The following CYP4F3 variants were observed in gnomAD, a reference collection of about 807,000 sequenced individuals.
CYP4F3 encodes the protein cytochrome P450 4F3.
CYP4F3 carries 50 observed loss-of-function variants against 54.8 expected under a neutral mutation model. That is an observed-to-expected ratio of 0.91 (90% CI 0.73 to 1.16). CYP4F3 has a LOEUF of 1.16. CYP4F3 is among the 50% of genes most tolerant of loss of function. CYP4F3 has a pLI of 0.00. For synonymous variants in CYP4F3, 244 were observed against 262.6 expected (o/e 0.93, Z 0.69); for missense variants, 715 against 676.2 (o/e 1.06, Z -0.64).
At chr19:15,644,097 G>C (rs1972555794) in intron 2 of CYP4F3, 1 of 1,481,064 alleles carries the variant, frequency 6.8e-7, no homozygotes, top group Non-Finnish European at 9.0e-7. Flanking sequence ...TGCATTTGAG[G>C]CCTGCAAGTC....
intron 11 of CYP4F3, 68 bp from the exon 12 acceptor site, chr19:15,658,659 C>A: frequency 1.2e-6 from 2 of 1,609,510 alleles, no homozygotes; most frequent in Non-Finnish European, 1.7e-6. Context: ...AAGACACACA[C>A]CACTGTCTCT....
At position 15,641,464 on chromosome 19, in the gene CYP4F3, T is replaced by C; in HGVS notation, c.49T>C (p.Ser17Pro). 6.2e-7 allele frequency: 1 copy of C among 1,614,206 alleles called. No individual in the cohort carries two copies. The highest frequency in any genetic ancestry group is 8.5e-7 in the Non-Finnish European group (1 of 1,180,052). The change falls in exon 2 of 13, where the codon TCC becomes CCC. Residue 17 changes from serine (S) to proline (P), a missense_variant. Ser to Pro is a moderately conservative substitution (Grantham distance 74). Transcript: ENST00000221307. ...GCTGGGCCTTTGGCCAATGGCAGCATCCCCGTGGCTGCTCCTGCTGCTGGT... is the reference window on the plus strand; with the variant it reads ...GCTGGGCCTTTGGCCAATGGCAGCACCCCCGTGGCTGCTCCTGCTGCTGGT... ...SSLGLWPMAA[S>P]PWLLLLLVGA... is the part of the protein sequence containing the mutation.
chr19:15,650,803 C>T (rs1052566488), intron 7 of CYP4F3, among the ~76,000 whole-genome samples: 438 of 11,146 alleles, frequency 0.039, 96 homozygotes, highest in East Asian at 0.13. Context: ...TTCTTTCTCT[C>T]TCTTCTCTTT....
intron 9 of CYP4F3, among the ~76,000 whole-genome samples, chr19:15,657,308 A>AT (rs1458213588): frequency 6.6e-6 from 1 of 152,084 alleles, no homozygotes; most frequent in African/African-American, 2.4e-5. Context: ...TATAATCATT[A>AT]TTTTTTTGAG....
At chr19:15,646,269 T>G (rs1449687890) in intron 3 of CYP4F3, among the ~76,000 whole-genome samples, 1 of 152,160 alleles carries the variant, frequency 6.6e-6, no homozygotes, top group Non-Finnish European at 1.5e-5. Context: ...GGCTGTTTTG[T>G]TCTTGTCGCA....
rs1221952441 is a variant in CYP4F3, at chr19:15,649,899, C to T, written c.648-14C>T. ...TATTAAATTGTTGCCTCCCTTTCTG[C>T]CCTTATCCTGCAGGAAGCCCAGTGA... On this transcript the variant is annotated splice_polypyrimidine_tract_variant and intron_variant, in intron 6 of 12. Transcript: ENST00000221307. 2.5e-6 allele frequency: 4 copies of T among 1,612,578 alleles called. No homozygotes were observed. In the South Asian group the frequency reaches 3.3e-5, roughly 13 times the overall value.
At chr19:15,658,993 T>A (rs1323539444) in intron 12 of CYP4F3, among the ~76,000 whole-genome samples, 184 bp downstream of exon 12, 1 of 151,366 alleles carries the variant, frequency 6.6e-6, no homozygotes, top group Non-Finnish European at 1.5e-5. Flanking sequence ...GGATCCCTAG[T>A]GAGCTCAGAG....
In CYP4F3 at chr19:15,647,329, G is replaced by A; in HGVS notation, c.525+5G>A. On this transcript the variant is annotated splice_donor_5th_base_variant and intron_variant, in intron 5 of 12. Transcript: ENST00000221307. ...GAGAGTGTGAACATCATGCATGTGA[G>A]TTATTTGAAGCCAAGGTCCCAGCTG... The A allele has an allele frequency of 3.7e-6, 6 of 1,614,170 alleles. No individual in the cohort carries two copies. Among genetic ancestry groups the A allele is most frequent in the Non-Finnish European group, 5.1e-6 (6 of 1,179,984 alleles).
intron 2 of CYP4F3, among the ~76,000 whole-genome samples, chr19:15,642,701 C>T (rs1383014628): frequency 1.3e-5 from 2 of 152,192 alleles, no homozygotes; most frequent in East Asian, 3.9e-4. Context: ...TTGGGGGTGG[C>T]CCCAAGAGAG....
chr19:15,652,844 G>A lies in CYP4F3; in HGVS notation c.1007G>A (p.Gly336Asp), dbSNP rs1472238963. 6.2e-7 allele frequency: 1 copy of A among 1,613,036 alleles called. No individual in the cohort carries two copies. Among genetic ancestry groups the A allele is most frequent in the East Asian group, 2.2e-5 (1 of 44,890 alleles). The change falls in exon 9 of 13, where the codon GGT becomes GAT. Residue 336 changes from glycine to aspartate, a missense_variant. Transcript: ENST00000221307. ...CCAGGCCATGACACCACAGCCAGTG[G>A]TCTCTCCTGGGTCCTGTACCACCTT... Reference protein sequence around the residue: ...MFEGHDTTASGLSWVLYHLAK... With the variant: ...MFEGHDTTASDLSWVLYHLAK...
chr19:15,644,932 A>G (rs1441543463), intron 2 of CYP4F3, among the ~76,000 whole-genome samples: 1 of 152,190 alleles, frequency 6.6e-6, no homozygotes, highest in African/African-American at 2.4e-5. Flanking sequence ...GTGGAAATCC[A>G]ACCTGGTGTA....
rs1972711585 is a variant in CYP4F3 at position 15,649,147 on chromosome 19, C to T, written c.526-13C>T. On this transcript the variant is annotated splice_polypyrimidine_tract_variant and intron_variant, in intron 5 of 12. Transcript: ENST00000221307. Reference sequence around the variant, plus strand: ...AAGGGACCTGCCCCAGCTCTGTCCCCTTCTCTGGCTAGGCCAAGTGGCAGC... The same window carrying T: ...AAGGGACCTGCCCCAGCTCTGTCCCTTTCTCTGGCTAGGCCAAGTGGCAGC... 1 of 1,613,038 alleles carries T rather than the reference C, an allele frequency of 6.2e-7. No homozygotes were observed. Among genetic ancestry groups the T allele is most frequent in the East Asian group, 2.2e-5 (1 of 44,832 alleles).
intron 1 of CYP4F3, 188 bp from the exon 2 acceptor site, chr19:15,641,227 C>T: frequency 4.6e-6 from 3 of 648,428 alleles, no homozygotes; most frequent in Non-Finnish European, 7.8e-6. Flanking sequence ...AACTGGAGGC[C>T]ACTTGGTTGC....
chr19:15,643,323 T>TG (rs1294065096), intron 2 of CYP4F3, among the ~76,000 whole-genome samples: 12 of 144,436 alleles, frequency 8.3e-5, no homozygotes, highest in Non-Finnish European at 7.5e-5. Flanking sequence ...ATTAGATAGA[T>TG]AGATAGATAG....
intron 9 of CYP4F3, among the ~76,000 whole-genome samples, chr19:15,656,582 A>G (rs2102959): frequency 0.46 from 69,034 of 148,484 alleles, 16,849 homozygotes; most frequent in East Asian, 0.66. Context: ...CAATGTATCT[A>G]TCATCTATCT....
chr19:15,654,779 C>A (rs987830333), intron 9 of CYP4F3, among the ~76,000 whole-genome samples: 1 of 152,162 alleles, frequency 6.6e-6, no homozygotes, highest in Admixed American at 6.5e-5. Flanking sequence ...TAAGTTGATT[C>A]CATATTTTCG....
intron 9 of CYP4F3, among the ~76,000 whole-genome samples, chr19:15,656,241 A>C (rs4808349): frequency 6.6e-6 from 1 of 151,754 alleles, no homozygotes; most frequent in Non-Finnish European, 1.5e-5. Flanking sequence ...GTGGCAAATG[A>C]GATAATTTTT....
At chr19:15,650,740 T>C (rs1427341616) in intron 7 of CYP4F3, among the ~76,000 whole-genome samples, 1 of 93,682 alleles carries the variant, frequency 1.1e-5, no homozygotes, top group African/African-American at 4.6e-5. Flanking sequence ...TTCTTTCTTT[T>C]CCTTCCTTCC....
intron 7 of CYP4F3, chr19:15,650,419 G>A: frequency 1.3e-6 from 1 of 755,126 alleles, no homozygotes; most frequent in Non-Finnish European, 2.1e-6. Flanking sequence ...AAGTTAATAA[G>A]CTAATTGGCC....
Sources: gnomAD v4.1 joint callset for allele counts (sites outside exome capture counted in the v4.1 genomes callset) on GRCh38, gnomAD v4.1.1 for gene constraint, MANE v1.5 for transcripts, NCBI Gene and HGNC (gene_info 2026-07-23, HGNC 2026-07-21) for gene names.